The following DYSF variants were observed in gnomAD, a reference collection of about 807,000 sequenced individuals.
The protein encoded by DYSF is dystrophy-associated fer-1-like 1.
In DYSF, 212 loss-of-function variants were observed where a neutral mutation model predicts 274.9. The observed-to-expected ratio is 0.77, with a 90% CI of 0.69 to 0.86. DYSF has a LOEUF of 0.86. DYSF is among the 40% of genes least tolerant of loss of function. DYSF has a pLI of 0.00. For missense variants in DYSF, 2,666 were observed against 2,783.2 expected, an observed-to-expected ratio of 0.96 and a Z score of 0.95; for synonymous variants, 1,091 against 1,078.7, an observed-to-expected ratio of 1.01 and a Z score of -0.22.
intron 3 of DYSF, among the ~76,000 whole-genome samples, chr2:71,488,988 C>T (rs7573617): frequency 0.79 from 119,696 of 152,000 alleles, 47,340 homozygotes; most frequent in African/African-American, 0.85. Context: ...CTCCTCCCAC[C>T]CCCACATTGA....
chr2:71,507,301 G>C (rs34328670), intron 4 of DYSF, among the ~76,000 whole-genome samples: 5 of 152,012 alleles, frequency 3.3e-5, no homozygotes, highest in Non-Finnish European at 7.4e-5. Context: ...GGGCAGCCCA[G>C]GTGTGGCCCC....
intron 14 of DYSF, 124 bp downstream of exon 14, chr2:71,528,525 C>T (rs2088243659): frequency 7.3e-6 from 6 of 823,268 alleles, no homozygotes; most frequent in Non-Finnish European, 1.2e-5. Flanking sequence ...CAAGGAGTGG[C>T]TGATCCTGGT....
chr2:71,498,325 G>T (rs1055922445), intron 3 of DYSF, among the ~76,000 whole-genome samples: 16 of 152,200 alleles, frequency 1.1e-4, no homozygotes, highest in Admixed American at 8.5e-4. Flanking sequence ...GCCTGCCACA[G>T]GTGGGCAGGG....
chr2:71,612,466 C>A (rs1352399739), intron 38 of DYSF, among the ~76,000 whole-genome samples, 175 bp from the exon 39 acceptor site: 1 of 152,186 alleles, frequency 6.6e-6, no homozygotes, highest in Non-Finnish European at 1.5e-5. Context: ...ATTCAAGGGG[C>A]CGACAGAAAA....
intron 14 of DYSF, among the ~76,000 whole-genome samples, chr2:71,533,279 C>G (rs2088951641): frequency 6.6e-6 from 1 of 152,222 alleles, no homozygotes; most frequent in African/African-American, 2.4e-5. Flanking sequence ...CTTGGGCTCC[C>G]AAAGTGCTGG....
chr2:71,664,713 T>C (rs1249654252), intron 46 of DYSF, among the ~76,000 whole-genome samples: 1 of 151,950 alleles, frequency 6.6e-6, no homozygotes, highest in Non-Finnish European at 1.5e-5. Flanking sequence ...GTAATGCACA[T>C]AGAAGGCCTA....
At chr2:71,475,380 T>A (rs1331893140) in intron 1 of DYSF, among the ~76,000 whole-genome samples, 3 of 152,152 alleles carry the variant, frequency 2.0e-5, no homozygotes, top group Non-Finnish European at 4.4e-5. Flanking sequence ...GTTAGTAATG[T>A]GAGTAAGGCA....
chr2:71,487,469 G>A (rs527458873), intron 3 of DYSF, among the ~76,000 whole-genome samples: 3 of 152,174 alleles, frequency 2.0e-5, no homozygotes, highest in African/African-American at 7.2e-5. Context: ...CAGTGTGCCC[G>A]CAGGGTAGAG....
Position 71,538,031 on chromosome 2 carries a change from C to T in DYSF, c.1494-1126C>T, listed in dbSNP as rs182579818. 4.6e-5 allele frequency among the ~76,000 whole-genome samples: 7 copies of T among 152,368 alleles called. No individual in the cohort carries two copies. The East Asian group carries it at 1.4e-3, about 29-fold the overall frequency. On this transcript the variant is annotated intron_variant, in intron 16 of 55. Coordinates refer to ENST00000410020, the MANE Select transcript of DYSF (RefSeq NM_001130987.2). ...CAGGTCTAGCCTACCCGGGAAGCAG[C>T]AGGTGGCTGCAATCAAAGCTCTGGT...
intron 4 of DYSF, among the ~76,000 whole-genome samples, chr2:71,505,622 G>A (rs889950244): frequency 2.0e-5 from 3 of 152,224 alleles, no homozygotes; most frequent in African/African-American, 7.2e-5. Context: ...GGAGGATCTG[G>A]CTATGTGCCA....
chr2:71,499,595 C>T (rs2084769448), intron 3 of DYSF, among the ~76,000 whole-genome samples: 1 of 152,234 alleles, frequency 6.6e-6, no homozygotes, highest in African/African-American at 2.4e-5. Context: ...GCAGTAGTAG[C>T]ACCCCTGGAT....
chr2:71,530,688 G>A (rs1470708245), intron 14 of DYSF, among the ~76,000 whole-genome samples: 1 of 152,174 alleles, frequency 6.6e-6, no homozygotes, highest in Admixed American at 6.5e-5. Flanking sequence ...AACCTGGCCA[G>A]CCTCCTCGGT....
chr2:71,686,409 C>A, intron 55 of DYSF, 45 bp from the exon 56 acceptor site: 1 of 1,611,310 alleles, frequency 6.2e-7, no homozygotes, highest in Non-Finnish European at 8.5e-7. Context: ...GCTGTGCCTG[C>A]CCCAGTGGGA....
At chr2:71,555,543 C>T (rs536121348) in intron 21 of DYSF, among the ~76,000 whole-genome samples, 17 of 152,218 alleles carry the variant, frequency 1.1e-4, no homozygotes, top group African/African-American at 4.1e-4. Flanking sequence ...GAGGAGGGCG[C>T]TCTTAGTCTG....
At chr2:71,677,110 A>AAT (rs2095235203) in intron 52 of DYSF, among the ~76,000 whole-genome samples, 1 of 152,198 alleles carries the variant, frequency 6.6e-6, no homozygotes, top group Admixed American at 6.5e-5. Flanking sequence ...CAGGTGGAAT[A>AAT]ATAACCTGAT....
intron 6 of DYSF, 123 bp downstream of exon 6, chr2:71,513,455 G>A: frequency 9.3e-7 from 1 of 1,069,522 alleles, no homozygotes; most frequent in Non-Finnish European, 1.4e-6. Context: ...GGACTTGGCG[G>A]GTGGGAGGGC....
At chr2:71,604,628 C>T (rs529419205) in intron 36 of DYSF, among the ~76,000 whole-genome samples, 4 of 152,214 alleles carry the variant, frequency 2.6e-5, no homozygotes, top group South Asian at 2.1e-4. Context: ...GAGATAGGGG[C>T]CTGGACTGGA....
chr2:71,580,751 C>T (rs558112033), intron 30 of DYSF, among the ~76,000 whole-genome samples: 1 of 152,350 alleles, frequency 6.6e-6, no homozygotes, highest in East Asian at 1.9e-4. Flanking sequence ...CAAGCAGAGG[C>T]CTCGCTGCTC....
rs776969552 is a variant in DYSF at position 71,570,324 on chromosome 2, C to G, written c.3075C>G (p.Val1025=). Residue 1025 remains valine (V), a synonymous_variant, in exon 28 of 56, where the codon GTC becomes GTG. Coordinates refer to ENST00000410020, the MANE Select transcript of DYSF (RefSeq NM_001130987.2). ...EEWSTDLNRA[V]DEQGWEYSIT... ...GGTCCACAGACCTCAACCGGGCTGT[C>G]GATGAGCAAGGTGGGCAGCATGTGG... is the stretch of plus-strand genomic sequence containing the variant. 3 of 1,613,842 alleles carry G rather than the reference C, an allele frequency of 1.9e-6. No individual in the cohort carries two copies. The highest frequency in any genetic ancestry group is 2.5e-6 in the Non-Finnish European group (3 of 1,179,960).
Sources: allele counts gnomAD v4.1 joint callset (sites outside exome capture counted in the v4.1 genomes callset), GRCh38; gene constraint gnomAD v4.1.1; transcripts MANE v1.5; gene names NCBI Gene and HGNC (gene_info 2026-07-23, HGNC 2026-07-21).